Variants in CRTC3 observed in about 807,000 individuals in gnomAD.
CRTC3 encodes the protein CREB-regulated transcription coactivator 3.
CRTC3 carries 26 observed loss-of-function variants against 74.5 expected under a neutral mutation model. The ratio of observed to expected loss-of-function variants is 0.35; its 90% CI spans 0.26 to 0.48. The LOEUF (loss-of-function observed/expected upper bound fraction) is 0.48, where lower values mean the gene tolerates loss of function less well. Ranked by LOEUF, CRTC3 falls within the 20% of genes least tolerant of loss-of-function variation. The probability of loss-of-function intolerance (pLI) is 0.99; values close to 1 mark genes in which losing one functional copy is unlikely to be tolerated. For synonymous variants in CRTC3, 377 were observed against 325.8 expected (o/e 1.16, Z -1.69); for missense variants, 760 against 787.3 (o/e 0.97, Z 0.41).
chr15:90,610,305 G>A (rs924994599), intron 6 of CRTC3, among the ~76,000 whole-genome samples: 1 of 152,192 alleles, frequency 6.6e-6, no homozygotes, highest in Non-Finnish European at 1.5e-5. Flanking sequence ...TTCTATGTTC[G>A]AAGCAATAAT....
At chr15:90,592,673 AT>A (rs1298563781) in intron 2 of CRTC3, among the ~76,000 whole-genome samples, 3 of 152,182 alleles carry the variant, frequency 2.0e-5, no homozygotes, top group African/African-American at 7.2e-5. Context: ...TTCCACTTGT[AT>A]TTACATAGCA....
At chr15:90,541,110 T>G (rs1966795196) in intron 2 of CRTC3, among the ~76,000 whole-genome samples, 1 of 152,246 alleles carries the variant, frequency 6.6e-6, no homozygotes, top group Non-Finnish European at 1.5e-5. Context: ...GAATTGGTGT[T>G]TCAGACAATG....
intron 3 of CRTC3, chr15:90,594,489 T>G (rs1309174178): frequency 1.3e-5 from 2 of 152,326 alleles, no homozygotes; most frequent in East Asian, 3.9e-4. Context: ...GTGCTCTCAC[T>G]TCATTCTTCT....
intron 2 of CRTC3, among the ~76,000 whole-genome samples, chr15:90,546,696 C>T (rs1596074077): frequency 6.6e-6 from 1 of 152,192 alleles, no homozygotes; most frequent in African/African-American, 2.4e-5. Context: ...GATCTCCACT[C>T]ACTGCAAGCT....
At chr15:90,601,486 A>AT (rs917257379) in intron 3 of CRTC3, among the ~76,000 whole-genome samples, 9 of 143,410 alleles carry the variant, frequency 6.3e-5, no homozygotes, top group East Asian at 2.0e-4. Context: ...CCTGTCTCTA[A>AT]TTAAAAAAAA....
Position 90,642,085 on chromosome 15 carries a change from G to C in CRTC3, c.1805G>C (p.Ser602Thr), listed in dbSNP as rs781045620. ...GGACTCAACATGTTAAGTGACTCCA[G>C]CATGGGCCTGCTGGACCCCTCTGTT... is the stretch of plus-strand genomic sequence containing the variant. ...LDGLNMLSDS[S>T]MGLLDPSVEE... The change falls in exon 15 of 15, where the codon AGC (serine) becomes ACC (threonine). Residue 602 changes from serine to threonine, a missense_variant. Ser to Thr is a moderately conservative substitution (Grantham distance 58). Around this residue, in one of 2 missense-constraint regions of CRTC3, gnomAD observed 652 missense variants for 635.2 expected, o/e 1.03. Coordinates refer to ENST00000268184, the MANE Select transcript of CRTC3 (RefSeq NM_022769.5). 6.2e-7 allele frequency: 1 copy of C among 1,614,088 alleles called. No homozygotes were observed. Among genetic ancestry groups the C allele is most frequent in the Non-Finnish European group, 8.5e-7 (1 of 1,180,030 alleles).
intron 1 of CRTC3, among the ~76,000 whole-genome samples, chr15:90,537,446 C>T (rs540804268): frequency 6.2e-4 from 95 of 152,094 alleles, no homozygotes; most frequent in Non-Finnish European, 1.2e-3. Context: ...TGCAATGGCG[C>T]CATCTCGGCT....
chr15:90,557,500 GAC>G (rs1966918410), intron 2 of CRTC3, among the ~76,000 whole-genome samples: 1 of 152,154 alleles, frequency 6.6e-6, no homozygotes, highest in Non-Finnish European at 1.5e-5. Context: ...TAAGGTCTCA[GAC>G]ACGTACAAAT....
At position 90,598,456 on chromosome 15, in the gene CRTC3, A is replaced by G. The variant is rs933636534; in HGVS notation, c.352-3868A>G. On this transcript the variant is annotated intron_variant, in intron 3 of 14. Transcript: ENST00000268184. ...TCCCTCTAACACTCCACAGGTTGAGAGGAACAGCAGTCCCTGTGTTGATGG... is the reference window on the plus strand; with the variant it reads ...TCCCTCTAACACTCCACAGGTTGAGGGGAACAGCAGTCCCTGTGTTGATGG... The G allele has an allele frequency of 1.0e-5, 7 of 702,864 alleles. No individual in the cohort carries two copies. In the African/African-American group the frequency reaches 1.2e-4, roughly 12 times the overall value. 43.5% of individuals were successfully genotyped at this position (702,864 alleles called of 1,614,324 possible).
Position 90,644,427 on chromosome 15 carries a change from T to C in CRTC3, c.*2287T>C, listed in dbSNP as rs1465150680. On this transcript the variant is annotated 3_prime_UTR_variant, in exon 15 of 15. Transcript: ENST00000268184. ...AGTGCCTTACCCATGGGTATCGTCATATCCGGGTCCCAGTTCAGTTTGTCT... is the reference window on the plus strand; with the variant it reads ...AGTGCCTTACCCATGGGTATCGTCACATCCGGGTCCCAGTTCAGTTTGTCT... 1 of 230,226 alleles carries C rather than the reference T, an allele frequency of 4.3e-6. No homozygotes were observed. The highest frequency in any genetic ancestry group is 2.2e-5 in the African/African-American group (1 of 45,190). The allele number at this position is 230,226 out of a possible 1,614,324, so 14.3% of individuals were successfully genotyped here.
chr15:90,563,990 C>T (rs1967068879), intron 2 of CRTC3, among the ~76,000 whole-genome samples: 2 of 152,174 alleles, frequency 1.3e-5, no homozygotes, highest in Non-Finnish European at 2.9e-5. Context: ...TGCTGTGCAT[C>T]AGGCAATATG....
chr15:90,546,789 A>C lies in CRTC3; in HGVS notation c.231+6652A>C, dbSNP rs964200488. Among the ~76,000 whole-genome samples the C allele has an allele frequency of 6.0e-4, 91 of 151,860 alleles. 1 individual carries two copies. The highest frequency in any genetic ancestry group is 2.1e-3 in the African/African-American group (86 of 41,318). ...AGGTGCCCGCCACCACGCCCAGCTAATTTTTCTGTATTTGTATTAGAGACG... is the reference window on the plus strand; with the variant it reads ...AGGTGCCCGCCACCACGCCCAGCTACTTTTTCTGTATTTGTATTAGAGACG... On this transcript the variant is annotated intron_variant, in intron 2 of 14. Transcript: ENST00000268184.
At chr15:90,553,443 T>C (rs1024683394) in intron 2 of CRTC3, among the ~76,000 whole-genome samples, 11 of 152,246 alleles carry the variant, frequency 7.2e-5, no homozygotes, top group African/African-American at 2.7e-4. Flanking sequence ...GTATTTTTAA[T>C]CCATATTCGA....
intron 2 of CRTC3, among the ~76,000 whole-genome samples, chr15:90,566,011 GA>G (rs1967115051): frequency 6.6e-6 from 1 of 152,204 alleles, no homozygotes; most frequent in Non-Finnish European, 1.5e-5. Context: ...ACAAATTCTT[GA>G]AGGAAATTAA....
chr15:90,542,914 T>C (rs1966826453), intron 2 of CRTC3, among the ~76,000 whole-genome samples: 4 of 152,180 alleles, frequency 2.6e-5, no homozygotes, highest in Admixed American at 6.5e-5. Context: ...TTGGCAGGAA[T>C]AACGTAGAAG....
intron 3 of CRTC3, chr15:90,598,715 G>C (rs1967993606): frequency 1.7e-6 from 1 of 590,920 alleles, no homozygotes; most frequent in South Asian, 2.0e-5. Flanking sequence ...AACTTGAGTA[G>C]GCAGTTGGAA....
At chr15:90,564,968 G>A (rs1340525535) in intron 2 of CRTC3, among the ~76,000 whole-genome samples, 2 of 145,446 alleles carry the variant, frequency 1.4e-5, no homozygotes, top group African/African-American at 5.2e-5. Flanking sequence ...CTTTCATGGA[G>A]TTTCGCTCTT....
rs1969475426 is a variant in CRTC3, at chr15:90,642,234, C to T, written c.*94C>T. 13 of 1,060,606 alleles carry T rather than the reference C, an allele frequency of 1.2e-5. No individual in the cohort carries two copies. The South Asian group carries it at 1.9e-4, about 15-fold the overall frequency. 65.7% of individuals were successfully genotyped at this position (1,060,606 alleles called of 1,614,324 possible). On this transcript the variant is annotated 3_prime_UTR_variant, in exon 15 of 15. Coordinates refer to ENST00000268184, the MANE Select transcript of CRTC3 (RefSeq NM_022769.5). ...AGCTGATACCACGGGCTTTCGTTAT[C>T]TTGACATAGAAGGAAGCAATGCCAC...
chr15:90,643,598 TA>T lies in CRTC3; in HGVS notation c.*1460del, dbSNP rs1452845786. On this transcript the variant is annotated 3_prime_UTR_variant, in exon 15 of 15. Coordinates refer to ENST00000268184, the MANE Select transcript of CRTC3 (RefSeq NM_022769.5). ...AATAGTTTATAGTAAAACGAAGGCC[TA>T]ATTCATGGAAGCATCATTAGTCATC... 4.3e-6 allele frequency: 1 copy of T among 230,088 alleles called. No homozygotes were observed. The highest frequency in any genetic ancestry group is 8.6e-6 in the Non-Finnish European group (1 of 116,456). 14.3% of individuals were successfully genotyped at this position (230,088 alleles called of 1,614,324 possible). A position where few individuals can be genotyped will look rare whatever the true frequency, so the allele number is the denominator to read the frequency against.
Sources: gnomAD v4.1 joint callset for allele counts (sites outside exome capture counted in the v4.1 genomes callset) on GRCh38, gnomAD v4.1.1 for gene constraint, gnomAD v4.1.1 regional missense constraint, MANE v1.5 for transcripts, NCBI Gene and HGNC (gene_info 2026-07-23, HGNC 2026-07-21) for gene names.